STRN3: variants seen among roughly 807,000 people sequenced by gnomAD.
STRN3 encodes striatin-3.
Under a neutral mutation model 95.6 loss-of-function variants are expected in STRN3, and 29 were observed. That is an observed-to-expected ratio of 0.30 (90% CI 0.23 to 0.41). STRN3 has a LOEUF of 0.41. STRN3 is among the 10% of genes least tolerant of loss of function. The pLI is 1.00. For synonymous variants in STRN3, 331 were observed against 357.6 expected (o/e 0.93, Z 0.84); for missense variants, 890 against 972.1 (o/e 0.92, Z 1.12).
chr14:30,945,497 C>T (rs941516435), intron 5 of STRN3, among the ~76,000 whole-genome samples: 4 of 151,940 alleles, frequency 2.6e-5, no homozygotes, highest in South Asian at 2.1e-4. Context: ...CCCAGCTACT[C>T]GGGAGGCTGA....
chr14:31,016,912 T>C (rs1056773613), intron 1 of STRN3, among the ~76,000 whole-genome samples: 3 of 152,156 alleles, frequency 2.0e-5, no homozygotes, highest in African/African-American at 7.2e-5. Flanking sequence ...CCTAGCACTT[T>C]GGGAGGCCAA....
At chr14:30,985,142 C>T (rs1336218199) in intron 1 of STRN3, among the ~76,000 whole-genome samples, 1 of 149,416 alleles carries the variant, frequency 6.7e-6, no homozygotes, top group Non-Finnish European at 1.5e-5. Context: ...TATGACGAAA[C>T]CCCATTTCTA....
At chr14:31,003,538 T>G (rs1295841784) in intron 1 of STRN3, among the ~76,000 whole-genome samples, 1 of 151,892 alleles carries the variant, frequency 6.6e-6, no homozygotes, top group Non-Finnish European at 1.5e-5. Flanking sequence ...GCAAGTGAGT[T>G]CTCACTCCAT....
At chr14:30,999,848 C>A (rs1882365489) in intron 1 of STRN3, among the ~76,000 whole-genome samples, 1 of 152,094 alleles carries the variant, frequency 6.6e-6, no homozygotes, top group African/African-American at 2.4e-5. Context: ...AGATTCACAT[C>A]AAGATACATC....
At chr14:31,003,261 CA>C (rs376981218) in intron 1 of STRN3, among the ~76,000 whole-genome samples, 209 of 82,472 alleles carry the variant, frequency 2.5e-3, no homozygotes, top group Non-Finnish European at 3.0e-3. Flanking sequence ...ACTCTGTCTC[CA>C]AAAAAAAAAA....
At chr14:30,905,320 A>C (rs1019370475) in intron 15 of STRN3, 98 bp downstream of exon 15, 9 of 1,206,544 alleles carry the variant, frequency 7.5e-6, no homozygotes, top group Non-Finnish European at 9.9e-6. Context: ...TTGCCATCCT[A>C]AATTCAAATA....
intron 1 of STRN3, chr14:30,964,328 G>T (rs1880367970): frequency 6.6e-6 from 1 of 152,246 alleles, no homozygotes; most frequent in Admixed American, 6.5e-5. Context: ...GCTCTTGAGA[G>T]ATTCTTCTAG....
At chr14:30,917,711 T>A (rs1180902900) in intron 9 of STRN3, among the ~76,000 whole-genome samples, 1 of 98,934 alleles carries the variant, frequency 1.0e-5, no homozygotes, top group Non-Finnish European at 2.8e-5. Flanking sequence ...ACTTTAGTGA[T>A]TTTTTTTAAG....
chr14:30,932,537 ATGT>A (rs1378635964), intron 7 of STRN3: 3 of 152,214 alleles, frequency 2.0e-5, no homozygotes, highest in Admixed American at 1.3e-4. Flanking sequence ...AGAACTTAAA[ATGT>A]TTTAAAGATA....
chr14:30,915,248 A>T (rs1305797792), intron 9 of STRN3, among the ~76,000 whole-genome samples: 1 of 152,188 alleles, frequency 6.6e-6, no homozygotes, highest in Non-Finnish European at 1.5e-5. Flanking sequence ...AAACTACTGG[A>T]AATAATTCTG....
intron 1 of STRN3, among the ~76,000 whole-genome samples, chr14:30,993,254 C>CTAA (rs1882047396): frequency 7.7e-6 from 1 of 129,640 alleles, no homozygotes; most frequent in African/African-American, 3.0e-5. Context: ...GACACTGTCT[C>CTAA]AAAAAAAAAA....
Position 31,008,289 on chromosome 14 carries a change from C to T in STRN3, c.282+17615G>A, listed in dbSNP as rs564969516. Among the ~76,000 whole-genome samples the T allele has an allele frequency of 2.6e-5, 4 of 151,920 alleles. No individual in the cohort carries two copies. The East Asian group carries it at 7.8e-4, about 30-fold the overall frequency. On this transcript the variant is annotated intron_variant, in intron 1 of 17. Coordinates refer to ENST00000357479, the MANE Select transcript of STRN3 (RefSeq NM_001083893.2). Reference sequence around the variant, plus strand: ...CTCTGGGAGGCTGAGGCAGGTGGATCGCTTGAGTCAGGAGTTCAAGACCAG... The same window carrying T: ...CTCTGGGAGGCTGAGGCAGGTGGATTGCTTGAGTCAGGAGTTCAAGACCAG...
At chr14:30,998,714 C>T (rs1482880211) in intron 1 of STRN3, among the ~76,000 whole-genome samples, 1 of 152,152 alleles carries the variant, frequency 6.6e-6, no homozygotes, top group Non-Finnish European at 1.5e-5. Context: ...ACTTCAGTAA[C>T]CACAGACAAC....
At chr14:31,012,916 G>A (rs1339666122) in intron 1 of STRN3, among the ~76,000 whole-genome samples, 3 of 151,614 alleles carry the variant, frequency 2.0e-5, no homozygotes, top group African/African-American at 7.3e-5. Context: ...AAAAAGTAAG[G>A]ATGCTCTCTA....
chr14:30,978,275 G>A (rs1458883161), intron 1 of STRN3, among the ~76,000 whole-genome samples: 1 of 152,002 alleles, frequency 6.6e-6, no homozygotes, highest in Non-Finnish European at 1.5e-5. Context: ...TTAGCAAACT[G>A]AATCCAACAA....
chr14:30,924,756 G>A (rs956595903), intron 8 of STRN3, among the ~76,000 whole-genome samples: 1 of 152,098 alleles, frequency 6.6e-6, no homozygotes, highest in African/African-American at 2.4e-5. Context: ...AGGCGGGAGT[G>A]GAAAGATTGC....
intron 1 of STRN3, among the ~76,000 whole-genome samples, chr14:30,959,880 G>C (rs555924063): frequency 1.6e-4 from 25 of 152,112 alleles, no homozygotes; most frequent in African/African-American, 5.3e-4. Context: ...ATTTAACAAA[G>C]GCATTAAAGA....
intron 8 of STRN3, among the ~76,000 whole-genome samples, chr14:30,927,367 A>G (rs1285995565): frequency 6.6e-6 from 1 of 151,954 alleles, no homozygotes; most frequent in Non-Finnish European, 1.5e-5. Context: ...ACTTTTTTTA[A>G]TTAAAAAAAA....
chr14:30,897,877 T>G (rs915557919), intron 16 of STRN3, among the ~76,000 whole-genome samples: 4 of 152,324 alleles, frequency 2.6e-5, no homozygotes, highest in African/African-American at 9.6e-5. Context: ...AAGACCACAG[T>G]GTATAAAATG....
Sources: gnomAD v4.1 joint callset for allele counts (sites outside exome capture counted in the v4.1 genomes callset) on GRCh38, gnomAD v4.1.1 for gene constraint, MANE v1.5 for transcripts, NCBI Gene and HGNC (gene_info 2026-07-23, HGNC 2026-07-21) for gene names.